Variants in ITSN2 observed in about 807,000 individuals in gnomAD.
ITSN2 encodes the protein intersectin 2, also known as intersectin-2.
In ITSN2, 156 loss-of-function variants were observed where a neutral mutation model predicts 243.7. That is an observed-to-expected ratio of 0.64 (90% CI 0.56 to 0.73). The LOEUF is 0.73. Among genes scored for constraint, ITSN2 ranks in the 30% least tolerant of loss-of-function variants. The pLI is 0.00. For synonymous variants in ITSN2, 703 were observed against 699.9 expected, an observed-to-expected ratio of 1.00 and a Z score of -0.07; for missense variants, 1,801 against 1,996.1, an observed-to-expected ratio of 0.90 and a Z score of 1.86.
chr2:24,270,852 A>C (rs887498855), intron 19 of ITSN2, 84 bp from the exon 20 acceptor site: 2 of 720,146 alleles, frequency 2.8e-6, no homozygotes, highest in Admixed American at 5.3e-5. Context: ...AAAACCTAAA[A>C]GAAAAAATCA....
intron 31 of ITSN2, among the ~76,000 whole-genome samples, 167 bp downstream of exon 31, chr2:24,217,740 T>C (rs1221263328): frequency 6.6e-6 from 1 of 152,212 alleles, no homozygotes; most frequent in Non-Finnish European, 1.5e-5. Flanking sequence ...ACTTATGTAT[T>C]TTACAGTCAC....
chr2:24,275,038 T>C (rs1677844491), intron 18 of ITSN2, among the ~76,000 whole-genome samples: 1 of 152,218 alleles, frequency 6.6e-6, no homozygotes, highest in African/African-American at 2.4e-5. Flanking sequence ...GCAATTAATA[T>C]ATCTCAAGTG....
Position 24,221,063 on chromosome 2 carries a change from C to T in ITSN2, c.3581G>A (p.Cys1194Tyr), listed in dbSNP as rs1481037285. 3.7e-6 allele frequency: 6 copies of T among 1,600,446 alleles called. No homozygotes were observed. In the African/African-American group the frequency reaches 6.7e-5, roughly 18 times the overall value. The change falls in exon 30 of 40, where the codon TGT (cysteine) becomes TAT (tyrosine). Residue 1194 changes from cysteine (C) to tyrosine (Y), a missense_variant. Physicochemically the swap from Cys to Tyr is radical, Grantham distance 194. Transcript: ENST00000355123. ...TGTGTCCAGGGTTTGCAGATCAGCA[C>T]ACCCTGTGGAAAAAACAGGGTAGTT... ...TTDSDPSQQW[C>Y]ADLQTLDTMQ...
At chr2:24,325,056 TAAA>T (rs899632128) in intron 2 of ITSN2, among the ~76,000 whole-genome samples, 3 of 152,036 alleles carry the variant, frequency 2.0e-5, no homozygotes, top group Admixed American at 6.6e-5. Context: ...AATAACCTTT[TAAA>T]AAATTAATCA....
At chr2:24,291,447 G>A (rs191083938) in intron 15 of ITSN2, among the ~76,000 whole-genome samples, 3 of 150,298 alleles carry the variant, frequency 2.0e-5, no homozygotes, top group Admixed American at 6.6e-5. Context: ...AATCTTTCAC[G>A]TCTATTAGCG....
At chr2:24,205,516 A>G (rs1257608035) in intron 37 of ITSN2, 8 of 496,766 alleles carry the variant, frequency 1.6e-5, no homozygotes, top group South Asian at 4.1e-5. Flanking sequence ...TCTGCCCGTC[A>G]GCATCCTACT....
intron 1 of ITSN2, among the ~76,000 whole-genome samples, chr2:24,344,562 C>T (rs1687346248): frequency 6.6e-6 from 1 of 152,170 alleles, no homozygotes; most frequent in Admixed American, 6.5e-5. Context: ...ATTGCCTATT[C>T]ATTTATTTTG....
chr2:24,301,980 A>G lies in ITSN2; in HGVS notation c.980T>C (p.Val327Ala). 1 of 1,609,724 alleles carries G rather than the reference A, an allele frequency of 6.2e-7. No individual in the cohort carries two copies. Among genetic ancestry groups the G allele is most frequent in the Non-Finnish European group, 8.5e-7 (1 of 1,177,708 alleles). ...GCACACTCACCTGAAAGATGGAGGA[A>G]CAAGCTCAGGAGGTAAAGTCAGTGG... ...PLPLTLPPEL[V>A]PPSFRGGKQI... Residue 327 changes from valine to alanine, a missense_variant, in exon 10 of 40, where the codon GTT (valine) becomes GCT (alanine). Transcript: ENST00000355123.
intron 8 of ITSN2, among the ~76,000 whole-genome samples, chr2:24,304,850 A>G (rs1254590149): frequency 1.3e-5 from 2 of 152,184 alleles, no homozygotes; most frequent in African/African-American, 4.8e-5. Flanking sequence ...AGTAATACAA[A>G]GGGCCATAGA....
chr2:24,301,838 T>A, intron 10 of ITSN2, 127 bp downstream of exon 10: 1 of 919,834 alleles, frequency 1.1e-6, no homozygotes, highest in Non-Finnish European at 1.6e-6. Flanking sequence ...CTACTTCTAA[T>A]ATGTACCCTT....
intron 29 of ITSN2, chr2:24,241,730 A>G (rs1273951245): frequency 6.6e-6 from 1 of 152,654 alleles, no homozygotes. Context: ...TGTGATTAGG[A>G]TTAGATCAAA....
At position 24,211,283 on chromosome 2, in the gene ITSN2, G is replaced by A. The variant is rs1444613612; in HGVS notation, c.4090-336C>T. Among the ~76,000 whole-genome samples the A allele has an allele frequency of 5.3e-5, 8 of 152,284 alleles. No individual in the cohort carries two copies. Among genetic ancestry groups the A allele is most frequent in the East Asian group, 3.9e-4 (2 of 5,184 alleles). ...CGAAATTTAAGCCATGTAAGGGTGC[G>A]CCCTCCTGTATAAACTGGCTGCAGC... On this transcript the variant is annotated intron_variant, in intron 33 of 39. Coordinates refer to ENST00000355123, the MANE Select transcript of ITSN2 (RefSeq NM_006277.3). The surrounding 1 kb of genome is among the most constrained non-coding windows in gnomAD (Gnocchi z 4.1).
intron 1 of ITSN2, among the ~76,000 whole-genome samples, chr2:24,358,321 C>G (rs1688638130): frequency 2.0e-5 from 3 of 152,186 alleles, no homozygotes. Flanking sequence ...CTTACTAGCT[C>G]AGAGACCTAA....
At position 24,279,073 on chromosome 2, in the gene ITSN2, A is replaced by G. The variant is rs376114173; in HGVS notation, c.1945-3224T>C. 2.1e-4 allele frequency among the ~76,000 whole-genome samples: 32 copies of G among 152,242 alleles called. No individual in the cohort carries two copies. In the East Asian group the frequency reaches 5.8e-3, roughly 28 times the overall value. On this transcript the variant is annotated intron_variant, in intron 17 of 39. Coordinates refer to ENST00000355123, the MANE Select transcript of ITSN2 (RefSeq NM_006277.3). Reference sequence around the variant, plus strand: ...AAATGGATATTAAATTTTATCAAAAACCTTTCCTGTATCTAATGAGATGAG... The same window carrying G: ...AAATGGATATTAAATTTTATCAAAAGCCTTTCCTGTATCTAATGAGATGAG...
intron 16 of ITSN2, among the ~76,000 whole-genome samples, chr2:24,285,770 T>C (rs1679422187): frequency 6.6e-6 from 1 of 152,354 alleles, no homozygotes. Flanking sequence ...TCACTGATTA[T>C]TGCATTATTT....
chr2:24,255,324 A>T (rs1674873079), intron 23 of ITSN2, among the ~76,000 whole-genome samples: 1 of 152,212 alleles, frequency 6.6e-6, no homozygotes, highest in Admixed American at 6.5e-5. Flanking sequence ...TACTGTTATT[A>T]TATTCTTCTA....
chr2:24,267,396 A>AG (rs1392118528), intron 20 of ITSN2, among the ~76,000 whole-genome samples: 2 of 151,654 alleles, frequency 1.3e-5, no homozygotes, highest in Admixed American at 1.3e-4. Context: ...AAAAAAAAAA[A>AG]GTATGGTCTT....
At chr2:24,235,978 C>T (rs1672106219) in intron 29 of ITSN2, among the ~76,000 whole-genome samples, 2 of 152,186 alleles carry the variant, frequency 1.3e-5, no homozygotes, top group Non-Finnish European at 2.9e-5. Flanking sequence ...GCCATTTGAC[C>T]TGGGAATTCT....
chr2:24,299,478 G>A (rs921733560), intron 12 of ITSN2, among the ~76,000 whole-genome samples: 1 of 152,168 alleles, frequency 6.6e-6, no homozygotes. Flanking sequence ...CCAAAGGCCT[G>A]TGCAAGCCCA....
Sources: allele counts gnomAD v4.1 joint callset (sites outside exome capture counted in the v4.1 genomes callset), GRCh38; gene constraint gnomAD v4.1.1; non-coding constraint Gnocchi (gnomAD v3.1); transcripts MANE v1.5; gene names NCBI Gene and HGNC (gene_info 2026-07-23, HGNC 2026-07-21).